Variants in TRMT9B observed in about 807,000 individuals in gnomAD.
TRMT9B encodes probable tRNA methyltransferase 9B.
A neutral mutation model predicts 11.5 loss-of-function variants in TRMT9B; 16 were observed. The ratio of observed to expected loss-of-function variants is 1.39; its 90% CI spans 0.94 to 2.11. The LOEUF is 2.11. Among genes scored for constraint, TRMT9B ranks in the 30% most tolerant of loss-of-function variants. TRMT9B has a pLI of 0.00. For missense variants in TRMT9B, 941 were observed against 553.8 expected (o/e 1.70, Z -7.02); for synonymous variants, 274 against 192.4 (o/e 1.42, Z -3.51).
chr8:13,000,585 C>T (rs564762302), intron 2 of TRMT9B, among the ~76,000 whole-genome samples: 5 of 152,318 alleles, frequency 3.3e-5, no homozygotes, highest in South Asian at 2.1e-4. Flanking sequence ...TCTTTGTCTA[C>T]TCAGTCTCAT....
intron 2 of TRMT9B, among the ~76,000 whole-genome samples, chr8:12,992,572 C>A (rs1807556412): frequency 6.6e-6 from 1 of 152,042 alleles, no homozygotes; most frequent in Non-Finnish European, 1.5e-5. Flanking sequence ...GCATCATTGA[C>A]TGGGCACAGT....
chr8:13,019,943 G>A (rs960467006), intron 4 of TRMT9B, among the ~76,000 whole-genome samples: 1 of 152,166 alleles, frequency 6.6e-6, no homozygotes, highest in African/African-American at 2.4e-5. Context: ...TTTGTGTGCT[G>A]TTGATAGGAA....
chr8:12,965,748 C>G (rs1013859194), intron 1 of TRMT9B, among the ~76,000 whole-genome samples: 7 of 152,078 alleles, frequency 4.6e-5, no homozygotes, highest in African/African-American at 1.4e-4. Context: ...CACAGCAACT[C>G]ACGCCTGTAA....
At chr8:13,002,066 A>G (rs1020863411) in intron 2 of TRMT9B, among the ~76,000 whole-genome samples, 9 of 152,232 alleles carry the variant, frequency 5.9e-5, no homozygotes, top group African/African-American at 2.2e-4. Flanking sequence ...ACTGTAAAAT[A>G]TCAGAAAAAC....
chr8:13,023,557 C>T lies in TRMT9B; in HGVS notation c.*1513C>T, dbSNP rs1362144653. 4 of 166,930 alleles carry T rather than the reference C, an allele frequency of 2.4e-5. No individual in the cohort carries two copies. The highest frequency in any genetic ancestry group is 2.0e-4 in the Admixed American group (3 of 15,264). 10.3% of individuals were successfully genotyped at this position (166,930 alleles called of 1,614,324 possible). On this transcript the variant is annotated 3_prime_UTR_variant, in exon 5 of 5. Coordinates refer to ENST00000524591, the MANE Select transcript of TRMT9B (RefSeq NM_020844.3). ...TAAATCTATGTCATGGATCCTGAGACACAAATATAATTAAGACAGGTCTAG... is the reference window on the plus strand; with the variant it reads ...TAAATCTATGTCATGGATCCTGAGATACAAATATAATTAAGACAGGTCTAG...
intron 1 of TRMT9B, among the ~76,000 whole-genome samples, chr8:12,988,518 G>T (rs1034667223): frequency 6.6e-6 from 1 of 152,146 alleles, no homozygotes; most frequent in African/African-American, 2.4e-5. Flanking sequence ...GGCTGGGGAG[G>T]CCTCAGGAAA....
At chr8:12,959,246 A>T (rs1375136859) in intron 1 of TRMT9B, among the ~76,000 whole-genome samples, 2 of 152,114 alleles carry the variant, frequency 1.3e-5, no homozygotes, top group African/African-American at 2.4e-5. Context: ...AGTATCCAAA[A>T]ATTTTTGAGC....
chr8:12,989,894 T>A (rs1406538675), intron 1 of TRMT9B, among the ~76,000 whole-genome samples: 1 of 152,192 alleles, frequency 6.6e-6, no homozygotes, highest in Admixed American at 6.5e-5. Context: ...TGCCTACATA[T>A]GAGTGAGATG....
At chr8:12,984,834 T>C (rs1445592383) in intron 1 of TRMT9B, among the ~76,000 whole-genome samples, 2 of 152,102 alleles carry the variant, frequency 1.3e-5, no homozygotes, top group Non-Finnish European at 2.9e-5. Flanking sequence ...GCAATGAACA[T>C]GGCCTTGTCA....
intron 4 of TRMT9B, among the ~76,000 whole-genome samples, 194 bp from the exon 5 acceptor site, chr8:13,020,814 G>A (rs1398724139): frequency 6.6e-6 from 1 of 152,158 alleles, no homozygotes; most frequent in Non-Finnish European, 1.5e-5. Context: ...AAAAGTACAG[G>A]AGCCAAAGCT....
At position 12,990,855 on chromosome 8, in the gene TRMT9B, C is replaced by G. The variant is rs1807213405; in HGVS notation, c.-178C>G. ...ATAGGGCCTGTGCTTCCTTCAGAGA[C>G]TCACACAAGAGGTTTATCATGAGAA... On this transcript the variant is annotated 5_prime_UTR_variant, in exon 2 of 5. Transcript: ENST00000524591. 2.3e-6 allele frequency: 3 copies of G among 1,289,356 alleles called. No homozygotes were observed. The highest frequency in any genetic ancestry group is 3.0e-6 in the Non-Finnish European group (3 of 988,396). 79.9% of individuals were successfully genotyped at this position (1,289,356 alleles called of 1,614,324 possible). A position where few individuals can be genotyped will look rare whatever the true frequency, so the allele number is the denominator to read the frequency against.
chr8:13,004,500 G>C (rs1176694986), intron 2 of TRMT9B, among the ~76,000 whole-genome samples: 1 of 151,786 alleles, frequency 6.6e-6, no homozygotes, highest in Non-Finnish European at 1.5e-5. Context: ...TAGGGCCCAG[G>C]CAGAGTCCTG....
intron 1 of TRMT9B, chr8:12,951,661 C>G (rs1800633250): frequency 6.6e-6 from 1 of 151,972 alleles, no homozygotes; most frequent in Non-Finnish European, 1.5e-5. Flanking sequence ...GGTTCCCGGA[C>G]AGCTGAGCCC....
intron 1 of TRMT9B, among the ~76,000 whole-genome samples, chr8:12,959,098 T>A (rs951336649): frequency 2.6e-5 from 4 of 152,062 alleles, no homozygotes; most frequent in African/African-American, 9.7e-5. Context: ...ATAATAATAA[T>A]AATAAAAAGA....
chr8:13,018,540 CA>C (rs1254317174), intron 4 of TRMT9B, among the ~76,000 whole-genome samples: 6 of 152,090 alleles, frequency 3.9e-5, no homozygotes, highest in Non-Finnish European at 5.9e-5. Flanking sequence ...TACCACCCCC[CA>C]AAAAATAGTC....
chr8:12,990,980 C>T lies in TRMT9B; in HGVS notation c.-53C>T, dbSNP rs767863741. On this transcript the variant is annotated 5_prime_UTR_variant, in exon 2 of 5. Transcript: ENST00000524591. ...GTCACTCTCTGGAGGTGGAGACTGC[C>T]GTGATTCACAAAGACAAGAGGTAAT... is the stretch of plus-strand genomic sequence containing the variant. The T allele has an allele frequency of 9.3e-6, 12 of 1,285,020 alleles. No individual in the cohort carries two copies. Among genetic ancestry groups the T allele is most frequent in the Non-Finnish European group, 1.1e-5 (11 of 986,172 alleles). The allele number at this position is 1,285,020 out of a possible 1,614,324, so 79.6% of individuals were successfully genotyped here. A position where few individuals can be genotyped will look rare whatever the true frequency, so the allele number is the denominator to read the frequency against.
intron 1 of TRMT9B, among the ~76,000 whole-genome samples, chr8:12,987,964 C>G (rs1179004342): frequency 6.6e-6 from 1 of 152,204 alleles, no homozygotes; most frequent in Non-Finnish European, 1.5e-5. Context: ...ATTCAAAGCA[C>G]AATTATTACT....
chr8:12,952,222 G>C (rs1274816015), intron 1 of TRMT9B: 6 of 449,554 alleles, frequency 1.3e-5, no homozygotes, highest in African/African-American at 4.0e-5. Flanking sequence ...CACTGACAAT[G>C]GTCTGCATAG....
intron 1 of TRMT9B, among the ~76,000 whole-genome samples, chr8:12,982,206 A>G (rs1805512242): frequency 6.6e-6 from 1 of 152,142 alleles, no homozygotes; most frequent in Non-Finnish European, 1.5e-5. Context: ...AGAGTGGGAA[A>G]TCCTGGACCA....
Sources: gnomAD v4.1 joint callset for allele counts (sites outside exome capture counted in the v4.1 genomes callset) on GRCh38, gnomAD v4.1.1 for gene constraint, MANE v1.5 for transcripts, NCBI Gene and HGNC (gene_info 2026-07-23, HGNC 2026-07-21) for gene names.